PTPN14: variants seen among roughly 807,000 people sequenced by gnomAD.
PTPN14 encodes the protein protein tyrosine phosphatase non-receptor type 14.
A neutral mutation model predicts 126.8 loss-of-function variants in PTPN14; 53 were observed. The observed-to-expected ratio is 0.42, with a 90% confidence interval of 0.34 to 0.53. The LOEUF (loss-of-function observed/expected upper bound fraction) is 0.53. PTPN14 is among the 20% of genes least tolerant of loss of function. The pLI is 0.08. For missense variants in PTPN14, 1,257 were observed against 1,552.9 expected (o/e 0.81, Z 3.20); for synonymous variants, 630 against 599.3 (o/e 1.05, Z -0.75).
intron 4 of PTPN14, 88 bp from the exon 5 acceptor site, chr1:214,411,839 C>A: frequency 1.4e-6 from 1 of 709,816 alleles, no homozygotes; most frequent in South Asian, 2.3e-5. Context: ...CTACATTATT[C>A]TTCACATTTC....
At chr1:214,521,725 C>CA (rs1553275114) in intron 1 of PTPN14, among the ~76,000 whole-genome samples, 1 of 149,066 alleles carries the variant, frequency 6.7e-6, no homozygotes, top group East Asian at 2.0e-4. Flanking sequence ...CAAAGCACAC[C>CA]CACACACACA....
chr1:214,427,889 C>T lies in PTPN14; in HGVS notation c.345-13163G>A, dbSNP rs148439504. Among the ~76,000 whole-genome samples the T allele has an allele frequency of 1.7e-3, 264 of 152,208 alleles. 2 individuals carry two copies. The highest frequency in any genetic ancestry group is 6.0e-3 in the African/African-American group (251 of 41,514). ...GAAAGGCTTTCAGGAGAGCTAGTGT[C>T]GTGCATTCATGAATGTTCAAGAGGT... On this transcript the variant is annotated intron_variant, in intron 3 of 18. Coordinates refer to ENST00000366956, the MANE Select transcript of PTPN14 (RefSeq NM_005401.5).
intron 2 of PTPN14, 95 bp downstream of exon 2, chr1:214,464,535 C>T (rs1660583514): frequency 1.4e-6 from 2 of 1,474,086 alleles, no homozygotes; most frequent in Non-Finnish European, 1.8e-6. Context: ...ACAACAGATG[C>T]CAAAAAACAG....
intron 3 of PTPN14, among the ~76,000 whole-genome samples, chr1:214,432,931 G>A (rs1659827047): frequency 6.6e-6 from 1 of 152,058 alleles, no homozygotes. Flanking sequence ...TTTTCTTACA[G>A]TCTCATCTGT....
At chr1:214,492,375 AC>A (rs1278636316) in intron 1 of PTPN14, among the ~76,000 whole-genome samples, 3 of 152,170 alleles carry the variant, frequency 2.0e-5, no homozygotes, top group African/African-American at 7.2e-5. Flanking sequence ...TGTAAATTCA[AC>A]CCCAAAGGTC....
rs767726553 is a variant in PTPN14, at chr1:214,383,844, G to T, written c.2011C>A (p.Leu671Ile). ...TCCTCGGGCGGTCCCTGCTCCCGGAGCGTGTTGCGGCGAGCCATGGGGAGG... is the reference window on the plus strand; with the variant it reads ...TCCTCGGGCGGTCCCTGCTCCCGGATCGTGTTGCGGCGAGCCATGGGGAGG... ...LHLPMARRNT[L>I]REQGPPEEGS... Residue 671 changes from leucine to isoleucine, a missense_variant, in exon 13 of 19, where the codon CTC becomes ATC. By Grantham distance (5) the Leu-to-Ile change is conservative. This residue lies in a region of PTPN14 where 1,021 missense variants were observed against 1,183.3 expected (regional missense o/e 0.86). Coordinates refer to ENST00000366956, the MANE Select transcript of PTPN14 (RefSeq NM_005401.5). This position sits in a 1 kb window ranked among gnomAD's most constrained non-coding sequence, Gnocchi z 4.4. The T allele has an allele frequency of 1.2e-5, 20 of 1,612,448 alleles. No homozygotes were observed. Among genetic ancestry groups the T allele is most frequent in the Non-Finnish European group, 1.5e-5 (18 of 1,180,014 alleles).
At chr1:214,463,905 CAA>C (rs1196570398) in intron 2 of PTPN14, among the ~76,000 whole-genome samples, 1 of 152,100 alleles carries the variant, frequency 6.6e-6, no homozygotes, top group East Asian at 1.9e-4. Flanking sequence ...GGATTGCTCA[CAA>C]AAGTCTCTTG....
chr1:214,520,060 A>AT (rs1490559242), intron 1 of PTPN14, among the ~76,000 whole-genome samples: 5 of 109,940 alleles, frequency 4.5e-5, no homozygotes, highest in Admixed American at 9.6e-5. Flanking sequence ...AAAAAAAAAA[A>AT]AAAAAATATA....
At chr1:214,387,469 C>A (rs898660428) in intron 11 of PTPN14, among the ~76,000 whole-genome samples, 103 of 152,048 alleles carry the variant, frequency 6.8e-4, no homozygotes, top group Admixed American at 1.5e-3. Flanking sequence ...CATGATCGTG[C>A]CACTGCACTT....
At chr1:214,400,851 T>C (rs567866675) in intron 7 of PTPN14, among the ~76,000 whole-genome samples, 1 of 152,318 alleles carries the variant, frequency 6.6e-6, no homozygotes, top group South Asian at 2.1e-4. Context: ...TTCTACTTGA[T>C]GCACATGGGC....
chr1:214,435,632 C>A (rs945985461), intron 3 of PTPN14, among the ~76,000 whole-genome samples: 6 of 152,018 alleles, frequency 3.9e-5, no homozygotes, highest in East Asian at 3.9e-4. Flanking sequence ...ATGTGGCCAA[C>A]AAGCATAAGA....
intron 10 of PTPN14, 71 bp from the exon 11 acceptor site, chr1:214,391,116 G>A (rs1658742628): frequency 4.1e-6 from 5 of 1,206,312 alleles, no homozygotes; most frequent in South Asian, 1.9e-5. Context: ...GACAAGGGAA[G>A]GAGAGGAAGA....
intron 15 of PTPN14, among the ~76,000 whole-genome samples, chr1:214,373,318 T>C (rs527255098): frequency 5.3e-5 from 8 of 152,102 alleles, no homozygotes; most frequent in Non-Finnish European, 8.8e-5. Context: ...CCTCCCAAAG[T>C]GCTGGGATTA....
intron 8 of PTPN14, 64 bp downstream of exon 8, chr1:214,397,849 T>G: frequency 1.5e-6 from 2 of 1,349,002 alleles, no homozygotes; most frequent in South Asian, 2.5e-5. Context: ...GATGTTAATG[T>G]AACATTAACA....
intron 1 of PTPN14, chr1:214,529,975 A>G (rs1324433726): frequency 6.6e-6 from 1 of 152,262 alleles, no homozygotes; most frequent in Non-Finnish European, 1.5e-5. Context: ...TGCATTGAAC[A>G]TTCACTGTTG....
intron 8 of PTPN14, among the ~76,000 whole-genome samples, chr1:214,395,400 T>C (rs1207453699): frequency 6.6e-6 from 1 of 152,174 alleles, no homozygotes; most frequent in East Asian, 1.9e-4. Context: ...ACATATTCTG[T>C]ATTGCAATAT....
chr1:214,365,091 A>G (rs902184235), intron 17 of PTPN14, among the ~76,000 whole-genome samples: 2 of 152,192 alleles, frequency 1.3e-5, no homozygotes, highest in African/African-American at 4.8e-5. Context: ...CCCGCCTGTC[A>G]GAGCCAATTT....
intron 12 of PTPN14, among the ~76,000 whole-genome samples, chr1:214,386,163 A>G (rs1658604020): frequency 6.6e-6 from 1 of 152,234 alleles, no homozygotes. Flanking sequence ...GTAAAATAGA[A>G]ATAATAATAG....
chr1:214,516,832 T>G (rs899907938), intron 1 of PTPN14, among the ~76,000 whole-genome samples: 1 of 152,010 alleles, frequency 6.6e-6, no homozygotes, highest in African/African-American at 2.4e-5. Context: ...GCACACACAT[T>G]CCTTTGCTAC....
Sources: allele counts gnomAD v4.1 joint callset (sites outside exome capture counted in the v4.1 genomes callset), GRCh38; gene constraint gnomAD v4.1.1; regional missense constraint gnomAD v4.1.1; non-coding constraint Gnocchi (gnomAD v3.1); transcripts MANE v1.5; gene names NCBI Gene and HGNC (gene_info 2026-07-23, HGNC 2026-07-21).